Variants in DGKB observed in about 807,000 individuals in gnomAD.
The protein encoded by DGKB is 90 kDa diacylglycerol kinase.
In DGKB, 67 loss-of-function variants were observed where a neutral mutation model predicts 114.3. The ratio of observed to expected loss-of-function variants is 0.59; its 90% confidence interval spans 0.48 to 0.72. The LOEUF is 0.72. Ranked by LOEUF, DGKB falls within the 30% of genes least tolerant of loss-of-function variation. The pLI is 0.00. For synonymous variants in DGKB, 398 were observed against 323.1 expected, an observed-to-expected ratio of 1.23 and a Z score of -2.49; for missense variants, 907 against 975.2, an observed-to-expected ratio of 0.93 and a Z score of 0.93.
At chr7:14,397,219 T>C (rs929905779) in intron 21 of DGKB, among the ~76,000 whole-genome samples, 1 of 152,132 alleles carries the variant, frequency 6.6e-6, no homozygotes, top group Admixed American at 6.6e-5. Context: ...TATGAAGAGC[T>C]AAAGTTACAA....
At chr7:14,832,871 T>A (rs2128125320) in intron 2 of DGKB, among the ~76,000 whole-genome samples, 1 of 152,274 alleles carries the variant, frequency 6.6e-6, no homozygotes, top group African/African-American at 2.4e-5. Flanking sequence ...CTGGCTCTGA[T>A]TTCTTTCTTG....
At chr7:14,655,141 G>A (rs1344529858) in intron 13 of DGKB, among the ~76,000 whole-genome samples, 1 of 151,794 alleles carries the variant, frequency 6.6e-6, no homozygotes, top group Non-Finnish European at 1.5e-5. Flanking sequence ...TACCTGACAA[G>A]GGCCTTTTAC....
intron 25 of DGKB, among the ~76,000 whole-genome samples, chr7:14,154,446 C>T (rs552674143): frequency 2.0e-5 from 3 of 151,978 alleles, no homozygotes; most frequent in Admixed American, 6.6e-5. Context: ...CAAGTTACTA[C>T]GATTCATTTC....
intron 20 of DGKB, among the ~76,000 whole-genome samples, chr7:14,565,509 T>C (rs982122499): frequency 6.6e-6 from 1 of 152,158 alleles, no homozygotes; most frequent in African/African-American, 2.4e-5. Context: ...CCAACTTAAA[T>C]ATCCAACCAT....
chr7:14,669,263 T>C (rs1818557602), intron 13 of DGKB, among the ~76,000 whole-genome samples: 1 of 152,200 alleles, frequency 6.6e-6, no homozygotes, highest in Non-Finnish European at 1.5e-5. Context: ...AATGGCTTCC[T>C]ATTTTATTCA....
chr7:14,650,068 T>C (rs957201468), intron 13 of DGKB, among the ~76,000 whole-genome samples: 2 of 151,840 alleles, frequency 1.3e-5, no homozygotes, highest in African/African-American at 2.4e-5. Flanking sequence ...CACCCCACTG[T>C]CAACATTGGA....
chr7:14,429,932 C>T (rs974678535), intron 21 of DGKB, among the ~76,000 whole-genome samples: 4 of 151,662 alleles, frequency 2.6e-5, no homozygotes, highest in African/African-American at 4.8e-5. Flanking sequence ...GTCCCCCCCC[C>T]CAAAAAAAAG....
At chr7:14,177,680 G>A (rs930293141) in intron 24 of DGKB, among the ~76,000 whole-genome samples, 2 of 151,194 alleles carry the variant, frequency 1.3e-5, no homozygotes, top group East Asian at 1.9e-4. Flanking sequence ...AATGATTTAA[G>A]TCAATGGTGT....
chr7:14,370,244 A>G (rs1239768387), intron 21 of DGKB, among the ~76,000 whole-genome samples: 1 of 152,162 alleles, frequency 6.6e-6, no homozygotes, highest in East Asian at 1.9e-4. Flanking sequence ...TTTGTCAAAG[A>G]TCAGATGGTT....
At chr7:14,480,376 AC>A (rs1782808514) in intron 20 of DGKB, among the ~76,000 whole-genome samples, 1 of 152,078 alleles carries the variant, frequency 6.6e-6, no homozygotes, top group Non-Finnish European at 1.5e-5. Flanking sequence ...TAAAAAGAGA[AC>A]TGGCATTGCC....
At position 14,736,073 on chromosome 7, in the gene DGKB, A is replaced by G. The variant is rs1366234073; in HGVS notation, c.290T>C (p.Met97Thr). ...FSNKFPHSSP[M>T]VKSKPALLSG... The stretch of plus-strand genomic sequence containing the variant: ...TAGGAGAGCAGGCTTACTTTTTACC[A>G]TTGGACTAGAATGAGGAAACTTGTT... The change falls in exon 5 of 26, where the codon ATG becomes ACG. Residue 97 changes from methionine to threonine, a missense_variant. Around this residue, in one of 3 missense-constraint regions of DGKB, gnomAD observed 814 missense variants for 856.6 expected, o/e 0.95. Transcript: ENST00000402815. The G allele has an allele frequency of 1.2e-6, 2 of 1,608,094 alleles. No individual in the cohort carries two copies. The highest frequency in any genetic ancestry group is 1.7e-6 in the Non-Finnish European group (2 of 1,176,862).
chr7:14,878,544 G>C (rs918384283), intron 1 of DGKB, among the ~76,000 whole-genome samples: 7 of 152,078 alleles, frequency 4.6e-5, no homozygotes, highest in Non-Finnish European at 7.4e-5. Context: ...AGGAAATGGA[G>C]ACCATCCTGG....
At chr7:14,551,831 T>C (rs542505583) in intron 20 of DGKB, among the ~76,000 whole-genome samples, 3 of 152,226 alleles carry the variant, frequency 2.0e-5, no homozygotes, top group South Asian at 4.2e-4. Context: ...ATTTTAACAT[T>C]TATTATGGTT....
At chr7:14,413,107 T>C (rs1825154727) in intron 21 of DGKB, among the ~76,000 whole-genome samples, 1 of 152,074 alleles carries the variant, frequency 6.6e-6, no homozygotes, top group Non-Finnish European at 1.5e-5. Context: ...TAGGAGCTAC[T>C]TACAGGGCAA....
At chr7:14,629,275 A>C (rs1809228027) in intron 14 of DGKB, among the ~76,000 whole-genome samples, 1 of 152,130 alleles carries the variant, frequency 6.6e-6, no homozygotes, top group Admixed American at 6.6e-5. Context: ...CACTTAAAGA[A>C]TATAAAATCA....
At chr7:14,161,448 TGTG>T (rs1783875730) in intron 25 of DGKB, among the ~76,000 whole-genome samples, 1 of 151,896 alleles carries the variant, frequency 6.6e-6, no homozygotes, top group Non-Finnish European at 1.5e-5. Flanking sequence ...ATAAAGAAAA[TGTG>T]GCACATATAC....
intron 23 of DGKB, among the ~76,000 whole-genome samples, chr7:14,243,367 T>G (rs548865919): frequency 6.6e-6 from 1 of 152,164 alleles, no homozygotes; most frequent in East Asian, 1.9e-4. Flanking sequence ...CCAAAGACAG[T>G]GAGTAAGTGA....
At chr7:14,220,003 G>T (rs540614912) in intron 23 of DGKB, among the ~76,000 whole-genome samples, 1 of 151,636 alleles carries the variant, frequency 6.6e-6, no homozygotes, top group Non-Finnish European at 1.5e-5. Context: ...ATCATTAGGT[G>T]ATTTTGTCAT....
intron 20 of DGKB, among the ~76,000 whole-genome samples, chr7:14,563,705 T>C (rs1299537624): frequency 6.6e-6 from 1 of 151,976 alleles, no homozygotes; most frequent in African/African-American, 2.4e-5. Context: ...GGGAATATCC[T>C]TGTCTACTTT....
Sources: allele counts gnomAD v4.1 joint callset (sites outside exome capture counted in the v4.1 genomes callset), GRCh38; gene constraint gnomAD v4.1.1; regional missense constraint gnomAD v4.1.1; transcripts MANE v1.5; gene names NCBI Gene and HGNC (gene_info 2026-07-23, HGNC 2026-07-21).